Variants in BPTF observed in about 807,000 individuals in gnomAD.
BPTF encodes the protein bromodomain PHD finger transcription factor, also known as nucleosome-remodeling factor subunit BPTF.
Under a neutral mutation model 292.5 loss-of-function variants are expected in BPTF, and 18 were observed. The observed-to-expected ratio is 0.06, with a 90% CI of 0.04 to 0.09. The LOEUF (loss-of-function observed/expected upper bound fraction) is 0.09, where lower values mean the gene tolerates loss of function less well. Among genes scored for constraint, BPTF ranks in the 10% least tolerant of loss-of-function variants. BPTF has a pLI of 1.00. For synonymous variants in BPTF, 1,225 were observed against 1,251.9 expected (o/e 0.98, Z 0.45); for missense variants, 2,726 against 3,498.7 (o/e 0.78, Z 5.57).
At position 67,959,651 on chromosome 17, in the gene BPTF, C is replaced by CCCTCCAGCA; in HGVS notation, c.8045_8046insACCTCCAGC (p.Ala2682_Pro2684dup). 6.2e-7 allele frequency: 1 copy of CCCTCCAGCA among 1,605,434 alleles called. No homozygotes were observed. The highest frequency in any genetic ancestry group is 1.7e-5 in the Admixed American group (1 of 58,250). On this transcript the variant is annotated inframe_insertion, in exon 24 of 28. Coordinates refer to ENST00000306378, the MANE Select transcript of BPTF (RefSeq NM_182641.4). ...CCCCAGTGACACCAGCTCCTCCAGC[C>CCCTCCAGCA]CCTCCAGCCCCTCCACCTTCACCTC...
chr17:67,826,059 C>A lies in BPTF; in HGVS notation c.335C>A (p.Ala112Asp). The change falls in exon 1 of 28, where the codon GCC becomes GAC. Residue 112 changes from alanine to aspartate, a missense_variant. Physicochemically the swap from Ala to Asp is moderately radical, Grantham distance 126. Transcript: ENST00000306378. The part of the protein sequence containing the change: ...TGGGGGGGHL[A>D]RTTAARRAVN... The stretch of plus-strand genomic sequence containing the variant: ...GGCGGGGGCGGCGGCGGCCACCTGG[C>A]CCGGACCACCGCGGCCCGGAGGGCC... 1 of 1,263,328 alleles carries A rather than the reference C, an allele frequency of 7.9e-7. No homozygotes were observed. The highest frequency in any genetic ancestry group is 1.1e-6 in the Non-Finnish European group (1 of 948,880). 78.3% of individuals were successfully genotyped at this position (1,263,328 alleles called of 1,614,324 possible). A position where few individuals can be genotyped will look rare whatever the true frequency, so the allele number is the denominator to read the frequency against.
At chr17:67,830,014 T>G (rs1306269558) in intron 1 of BPTF, among the ~76,000 whole-genome samples, 3 of 152,246 alleles carry the variant, frequency 2.0e-5, no homozygotes, top group Non-Finnish European at 4.4e-5. Context: ...TAGTTTTGCT[T>G]AAGCTAAAGG....
In BPTF at chr17:67,982,161, C is replaced by T. The variant is rs782299513; in HGVS notation, c.8727-91C>T. ...GAATGAAAGAACATGGCTGCTTCTC[C>T]CAGACTGACTGACCTTGGCATCCGC... On this transcript the variant is annotated intron_variant, in intron 27 of 27. Coordinates refer to ENST00000306378, the MANE Select transcript of BPTF (RefSeq NM_182641.4). The T allele has an allele frequency of 1.4e-5, 17 of 1,180,810 alleles. No homozygotes were observed. In the East Asian group the frequency reaches 3.5e-4, roughly 25 times the overall value. 73.1% of individuals were successfully genotyped at this position (1,180,810 alleles called of 1,614,324 possible).
At chr17:67,979,169 C>CAAAAAAAAAAAAAAAAAAAAAAAAA (rs11376410) in intron 27 of BPTF, among the ~76,000 whole-genome samples, 6 of 72,566 alleles carry the variant, frequency 8.3e-5, no homozygotes, top group African/African-American at 4.0e-4. Context: ...GACCCTGTCT[C>CAAAAAAAAAAAAAAAAAAAAAAAAA]AAAAAAAAAA....
At position 67,854,300 on chromosome 17, in the gene BPTF, C is replaced by T. The variant is rs773541934; in HGVS notation, c.974C>T (p.Thr325Met). The T allele has an allele frequency of 1.9e-6, 3 of 1,614,126 alleles. No individual in the cohort carries two copies. The highest frequency in any genetic ancestry group is 1.7e-5 in the Admixed American group (1 of 60,008). ...ACACTGTATTTCATAGATGGGATGA[C>T]GTGGCCAGAGGTGCTGCGGGTGTAC... ...NSTLYFIDGM[T>M]WPEVLRVYCE... Residue 325 changes from threonine to methionine, a missense_variant, in exon 2 of 28, where the codon ACG (threonine) becomes ATG (methionine). Coordinates refer to ENST00000306378, the MANE Select transcript of BPTF (RefSeq NM_182641.4). This position sits in a 1 kb window ranked among gnomAD's most constrained non-coding sequence, Gnocchi z 5.6.
intron 2 of BPTF, 117 bp from the exon 3 acceptor site, chr17:67,866,347 C>T (rs891171602): frequency 2.2e-5 from 16 of 736,268 alleles, no homozygotes; most frequent in African/African-American, 7.0e-5. Flanking sequence ...TTCTTGTGAG[C>T]GCCTATATTG....
At chr17:67,876,837 A>G (rs1264842749) in intron 4 of BPTF, among the ~76,000 whole-genome samples, 3 of 152,056 alleles carry the variant, frequency 2.0e-5, no homozygotes, top group Non-Finnish European at 4.4e-5. Context: ...AAGAAAATAT[A>G]TTTATATGAA....
intron 23 of BPTF, among the ~76,000 whole-genome samples, chr17:67,948,716 G>A (rs1555676854): frequency 1.3e-5 from 2 of 152,204 alleles, no homozygotes; most frequent in Non-Finnish European, 2.9e-5. Flanking sequence ...ACCAGAATGA[G>A]GTGGCTCACT....
intron 2 of BPTF, among the ~76,000 whole-genome samples, chr17:67,860,919 T>C (rs2059037817): frequency 6.6e-6 from 1 of 152,200 alleles, no homozygotes; most frequent in Non-Finnish European, 1.5e-5. Context: ...TGCTTTTAAA[T>C]CTATACAGCT....
chr17:67,923,469 G>GTTTTTTTTT (rs2063603130), intron 14 of BPTF, among the ~76,000 whole-genome samples: 1 of 108,470 alleles, frequency 9.2e-6, no homozygotes, highest in African/African-American at 3.6e-5. Context: ...CTCTCTCTCT[G>GTTTTTTTTT]TCTTTTTTTT....
chr17:67,867,361 G>A lies in BPTF; in HGVS notation c.1660+674G>A, dbSNP rs2059450716. 1.3e-5 allele frequency among the ~76,000 whole-genome samples: 2 copies of A among 151,996 alleles called. 1 individual carries two copies. The highest frequency in any genetic ancestry group is 4.2e-4 in the South Asian group (2 of 4,816). ...TAAAAAAATAAAACTTTAAATTTTA[G>A]AGTATTTTTAGATTTATACAAAAGT... On this transcript the variant is annotated intron_variant, in intron 3 of 27. Transcript: ENST00000306378.
chr17:67,909,821 T>G, intron 10 of BPTF, 60 bp downstream of exon 10: 9 of 1,362,180 alleles, frequency 6.6e-6, no homozygotes, highest in Non-Finnish European at 5.8e-6. Flanking sequence ...TGGATCAGGG[T>G]CCCACCACAG....
chr17:67,939,282 TATC>T (rs1490370675), intron 18 of BPTF, among the ~76,000 whole-genome samples: 8 of 152,208 alleles, frequency 5.3e-5, no homozygotes, highest in Non-Finnish European at 2.9e-5. Flanking sequence ...TAATATGAAG[TATC>T]ATTCAGCCAT....
intron 1 of BPTF, among the ~76,000 whole-genome samples, chr17:67,830,418 A>G (rs1335711911): frequency 2.6e-5 from 4 of 152,242 alleles, no homozygotes; most frequent in African/African-American, 9.7e-5. Flanking sequence ...ATAGATTCAA[A>G]TTCAAGCAGA....
intron 1 of BPTF, among the ~76,000 whole-genome samples, chr17:67,835,343 C>A (rs1436940847): frequency 6.6e-6 from 1 of 152,214 alleles, no homozygotes; most frequent in Non-Finnish European, 1.5e-5. Flanking sequence ...CATTTCATAT[C>A]ATTGCAGAAA....
At chr17:67,907,585 A>G (rs2062316927) in intron 9 of BPTF, among the ~76,000 whole-genome samples, 1 of 152,038 alleles carries the variant, frequency 6.6e-6, no homozygotes, top group South Asian at 2.1e-4. Context: ...CGAACTCCTG[A>G]CTTCAAGTGA....
intron 1 of BPTF, among the ~76,000 whole-genome samples, chr17:67,852,611 T>C (rs2058477540): frequency 6.6e-6 from 1 of 152,250 alleles, no homozygotes; most frequent in Non-Finnish European, 1.5e-5. Flanking sequence ...ATTCTGTAGA[T>C]GCATCATAAT....
chr17:67,892,129 T>G (rs2061155663), intron 5 of BPTF, 95 bp downstream of exon 5: 2 of 927,208 alleles, frequency 2.2e-6, no homozygotes, highest in African/African-American at 1.7e-5. Context: ...TGTAGAAATT[T>G]GTAGACCTAT....
chr17:67,976,685 C>CAAA (rs1156404121), intron 27 of BPTF, among the ~76,000 whole-genome samples: 28 of 24,780 alleles, frequency 1.1e-3, no homozygotes, highest in East Asian at 3.5e-3. Context: ...GACCCTGTCT[C>CAAA]AAAAAAAAAA....
Sources: allele counts gnomAD v4.1 joint callset (sites outside exome capture counted in the v4.1 genomes callset), GRCh38; gene constraint gnomAD v4.1.1; non-coding constraint Gnocchi (gnomAD v3.1); transcripts MANE v1.5; gene names NCBI Gene and HGNC (gene_info 2026-07-23, HGNC 2026-07-21).